The following P2RY2 variants were observed in gnomAD, a reference collection of about 807,000 sequenced individuals.
P2RY2 encodes P2Y purinoceptor 2.
For missense variants in P2RY2, 567 were observed against 515.7 expected (o/e 1.10, Z -0.96); for synonymous variants, 241 against 231.9 (o/e 1.04, Z -0.35).
chr11:73,233,568 C>T (rs1019050344), intron 2 of P2RY2, among the ~76,000 whole-genome samples: 1 of 152,192 alleles, frequency 6.6e-6, no homozygotes, highest in African/African-American at 2.4e-5. Flanking sequence ...AGCTCAGAAT[C>T]CTAGATCTAA....
intron 1 of P2RY2, among the ~76,000 whole-genome samples, chr11:73,223,842 G>T (rs1214813387): frequency 6.6e-6 from 1 of 152,176 alleles, no homozygotes; most frequent in Non-Finnish European, 1.5e-5. Flanking sequence ...TGGGGGTGAG[G>T]TGGTCAAACC....
Position 73,235,143 on chromosome 11 carries a change from T to C in P2RY2, c.984T>C (p.Pro328=), listed in dbSNP as rs151310960. 5.6e-6 allele frequency: 9 copies of C among 1,610,284 alleles called. No homozygotes were observed. Among genetic ancestry groups the C allele is most frequent in the Non-Finnish European group, 7.6e-6 (9 of 1,179,374 alleles). Residue 328 remains proline, a synonymous_variant, in exon 3 of 3, where the codon CCT becomes CCC. Transcript: ENST00000393597. ...RDAKPPTGPS[P]ATPARRRLGL... is the part of the protein sequence containing the mutation. ...CCAAGCCACCCACTGGCCCCAGCCCTGCCACCCCGGCTCGCCGCAGGCTGG... is the reference window on the plus strand; with the variant it reads ...CCAAGCCACCCACTGGCCCCAGCCCCGCCACCCCGGCTCGCCGCAGGCTGG...
chr11:73,232,164 C>T (rs1199435275), intron 2 of P2RY2, among the ~76,000 whole-genome samples: 2 of 152,206 alleles, frequency 1.3e-5, no homozygotes, highest in Non-Finnish European at 2.9e-5. Context: ...CTCCCAGACA[C>T]ACCCCCACAC....
chr11:73,240,281 A>C lies in P2RY2; in HGVS notation c.*4988A>C, dbSNP rs1862747920. 1 of 152,402 alleles carries C rather than the reference A, an allele frequency of 6.6e-6. No individual in the cohort carries two copies. Among genetic ancestry groups the C allele is most frequent in the Non-Finnish European group, 1.5e-5 (1 of 68,204 alleles). 9.4% of individuals were successfully genotyped at this position (152,402 alleles called of 1,614,324 possible). A position where few individuals can be genotyped will look rare whatever the true frequency, so the allele number is the denominator to read the frequency against. ...GCCCTGGACTATTTTCAGCCCTTGC[A>C]GATGGAGTCAGAAGAGGATTTTCCA... On this transcript the variant is annotated 3_prime_UTR_variant, in exon 3 of 3. Transcript: ENST00000393597.
intron 2 of P2RY2, 107 bp from the exon 3 acceptor site, chr11:73,234,049 A>C (rs2135645321): frequency 7.3e-7 from 1 of 1,372,856 alleles, no homozygotes; most frequent in South Asian, 1.5e-5. Context: ...TTCCAGGTCC[A>C]GATCCAAGTC....
intron 2 of P2RY2, among the ~76,000 whole-genome samples, chr11:73,230,708 A>C (rs924701096): frequency 6.6e-6 from 1 of 152,130 alleles, no homozygotes; most frequent in Admixed American, 6.5e-5. Flanking sequence ...AGCAGCAGCA[A>C]CTAAGGCTGG....
At chr11:73,225,220 C>A (rs1419294007) in intron 1 of P2RY2, among the ~76,000 whole-genome samples, 1 of 152,222 alleles carries the variant, frequency 6.6e-6, no homozygotes, top group Admixed American at 6.5e-5. Context: ...ATCCAACCAC[C>A]CTGGAAATTC....
chr11:73,220,854 T>TC (rs1460333744), intron 1 of P2RY2, among the ~76,000 whole-genome samples: 1 of 151,980 alleles, frequency 6.6e-6, no homozygotes, highest in Non-Finnish European at 1.5e-5. Flanking sequence ...AGGCTGTGGA[T>TC]CCCCCAAGGA....
At position 73,241,833 on chromosome 11, in the gene P2RY2, G is replaced by A. The variant is rs961636415; in HGVS notation, c.*6540G>A. 1 of 152,284 alleles carries A rather than the reference G, an allele frequency of 6.6e-6. No homozygotes were observed. The highest frequency in any genetic ancestry group is 2.4e-5 in the African/African-American group (1 of 41,434). The allele number at this position is 152,284 out of a possible 1,614,324, so 9.4% of individuals were successfully genotyped here. ...CCTGCACAGAACTCTCCAAACATCAGTCCACACCTTTGTAAAAACAGTCTC... is the reference window on the plus strand; with the variant it reads ...CCTGCACAGAACTCTCCAAACATCAATCCACACCTTTGTAAAAACAGTCTC... On this transcript the variant is annotated 3_prime_UTR_variant, in exon 3 of 3. Coordinates refer to ENST00000393597, the MANE Select transcript of P2RY2 (RefSeq NM_002564.4).
At chr11:73,233,713 G>C (rs888339878) in intron 2 of P2RY2, among the ~76,000 whole-genome samples, 5 of 152,210 alleles carry the variant, frequency 3.3e-5, no homozygotes, top group African/African-American at 1.2e-4. Flanking sequence ...CCTAGGCTGG[G>C]CTTAAACACC....
At chr11:73,227,657 A>G (rs1862317806) in intron 1 of P2RY2, among the ~76,000 whole-genome samples, 1 of 152,192 alleles carries the variant, frequency 6.6e-6, no homozygotes, top group South Asian at 2.1e-4. Context: ...GGGCCAAAGC[A>G]CAGAACCAGG....
intron 2 of P2RY2, among the ~76,000 whole-genome samples, chr11:73,228,578 G>A (rs1013223316): frequency 2.6e-5 from 4 of 152,130 alleles, no homozygotes; most frequent in African/African-American, 9.7e-5. Flanking sequence ...TCTCCAGAGC[G>A]CCCATGTCCA....
chr11:73,231,514 G>A (rs1314973486), intron 2 of P2RY2, among the ~76,000 whole-genome samples: 4 of 150,714 alleles, frequency 2.7e-5, no homozygotes, highest in Non-Finnish European at 4.4e-5. Flanking sequence ...CTGAGATCAC[G>A]CCACTGCATT....
intron 1 of P2RY2, among the ~76,000 whole-genome samples, chr11:73,218,931 G>A (rs541169331): frequency 4.6e-5 from 7 of 152,320 alleles, no homozygotes; most frequent in African/African-American, 1.7e-4. Flanking sequence ...CAGTTGCAGG[G>A]AGTGGGCGGG....
chr11:73,219,208 C>T (rs1445392658), intron 1 of P2RY2, among the ~76,000 whole-genome samples: 1 of 152,214 alleles, frequency 6.6e-6, no homozygotes, highest in Non-Finnish European at 1.5e-5. Flanking sequence ...GGACCACAGC[C>T]TGATCTGCCT....
intron 1 of P2RY2, among the ~76,000 whole-genome samples, chr11:73,220,462 T>C (rs1443522597): frequency 6.6e-6 from 1 of 152,218 alleles, no homozygotes; most frequent in Non-Finnish European, 1.5e-5. Context: ...TGAACCCTAA[T>C]TGAGCCCTTG....
At chr11:73,230,112 C>T (rs1862406064) in intron 2 of P2RY2, among the ~76,000 whole-genome samples, 2 of 152,056 alleles carry the variant, frequency 1.3e-5, no homozygotes, top group Non-Finnish European at 1.5e-5. Context: ...TCCTTAGTCT[C>T]GCAAGGGGGC....
Position 73,235,142 on chromosome 11 carries a change from C to T in P2RY2, c.983C>T (p.Pro328Leu). 6.2e-7 allele frequency: 1 copy of T among 1,610,420 alleles called. No homozygotes were observed. Among genetic ancestry groups the T allele is most frequent in the Non-Finnish European group, 8.5e-7 (1 of 1,179,378 alleles). ...RDAKPPTGPS[P>L]ATPARRRLGL... Reference sequence around the variant, plus strand: ...GCCAAGCCACCCACTGGCCCCAGCCCTGCCACCCCGGCTCGCCGCAGGCTG... The same window carrying T: ...GCCAAGCCACCCACTGGCCCCAGCCTTGCCACCCCGGCTCGCCGCAGGCTG... Residue 328 changes from proline to leucine, a missense_variant, in exon 3 of 3, where the codon CCT becomes CTT. Physicochemically the swap from Pro to Leu is moderately conservative, Grantham distance 98. Coordinates refer to ENST00000393597, the MANE Select transcript of P2RY2 (RefSeq NM_002564.4).
At position 73,237,132 on chromosome 11, in the gene P2RY2, C is replaced by A. The variant is rs888935515; in HGVS notation, c.*1839C>A. On this transcript the variant is annotated 3_prime_UTR_variant, in exon 3 of 3. Transcript: ENST00000393597. ...ACAGAGACCCATCACAGACCATGAC[C>A]CAAATGATTACTCTGTACTGTGCCA... The A allele has an allele frequency of 1.0e-6, 1 of 985,126 alleles. No individual in the cohort carries two copies. Among genetic ancestry groups the A allele is most frequent in the African/African-American group, 1.7e-5 (1 of 57,214 alleles). 61.0% of individuals were successfully genotyped at this position (985,126 alleles called of 1,614,324 possible).
Sources: gnomAD v4.1 joint callset for allele counts (sites outside exome capture counted in the v4.1 genomes callset) on GRCh38, gnomAD v4.1.1 for gene constraint, MANE v1.5 for transcripts, NCBI Gene and HGNC (gene_info 2026-07-23, HGNC 2026-07-21) for gene names.